The following GNAQ variants were observed in gnomAD, a reference collection of about 807,000 sequenced individuals.
GNAQ encodes guanine nucleotide-binding protein G(q) subunit alpha.
A neutral mutation model predicts 43.9 loss-of-function variants in GNAQ; 8 were observed. The observed-to-expected ratio is 0.18, with a 90% CI of 0.11 to 0.33. The LOEUF (loss-of-function observed/expected upper bound fraction) is 0.33. Among genes scored for constraint, GNAQ ranks in the 10% least tolerant of loss-of-function variants. The pLI is 1.00. For missense variants in GNAQ, 158 were observed against 450.8 expected, an observed-to-expected ratio of 0.35 and a Z score of 5.88; for synonymous variants, 155 against 170.7, an observed-to-expected ratio of 0.91 and a Z score of 0.71.
intron 1 of GNAQ, among the ~76,000 whole-genome samples, chr9:78,013,534 C>A (rs956599190): frequency 6.7e-6 from 1 of 149,330 alleles, no homozygotes; most frequent in Non-Finnish European, 1.5e-5. Context: ...TCATTTCTAA[C>A]AAGACTTTTA....
At chr9:78,011,040 C>T (rs927959189) in intron 1 of GNAQ, among the ~76,000 whole-genome samples, 4 of 152,044 alleles carry the variant, frequency 2.6e-5, no homozygotes, top group African/African-American at 4.8e-5. Flanking sequence ...GGTCTAGAAA[C>T]GCAGAGAAAA....
chr9:77,727,506 T>G (rs1406989365), intron 6 of GNAQ, among the ~76,000 whole-genome samples: 1 of 152,116 alleles, frequency 6.6e-6, no homozygotes, highest in Admixed American at 6.6e-5. Flanking sequence ...AAGCAAATAA[T>G]GCAGAGCCAT....
At chr9:77,833,085 G>T (rs1181427366) in intron 2 of GNAQ, among the ~76,000 whole-genome samples, 1 of 152,098 alleles carries the variant, frequency 6.6e-6, no homozygotes, top group African/African-American at 2.4e-5. Context: ...TCCTGCCTCA[G>T]GCTCCCAAGT....
chr9:78,006,028 C>T (rs898186070), intron 1 of GNAQ, among the ~76,000 whole-genome samples: 4 of 152,228 alleles, frequency 2.6e-5, no homozygotes, highest in Non-Finnish European at 2.9e-5. Context: ...AGTTATTGCA[C>T]GCAGGCTTAC....
chr9:77,950,436 C>T (rs550993513), intron 1 of GNAQ, among the ~76,000 whole-genome samples: 65 of 152,346 alleles, frequency 4.3e-4, no homozygotes, highest in Non-Finnish European at 8.7e-4. Context: ...CAGCCGTTTG[C>T]TCCCACAAGC....
chr9:78,004,720 T>C (rs1823684590), intron 1 of GNAQ, among the ~76,000 whole-genome samples: 2 of 152,094 alleles, frequency 1.3e-5, no homozygotes, highest in South Asian at 4.1e-4. Context: ...ACAGAAACTT[T>C]GACCACTAGA....
At chr9:77,767,756 T>A (rs1022026573) in intron 5 of GNAQ, among the ~76,000 whole-genome samples, 10 of 152,192 alleles carry the variant, frequency 6.6e-5, no homozygotes, top group Non-Finnish European at 1.3e-4. Flanking sequence ...GGATTTTATA[T>A]GCACATCCTC....
At chr9:77,983,239 G>T (rs758193708) in intron 1 of GNAQ, among the ~76,000 whole-genome samples, 1 of 152,204 alleles carries the variant, frequency 6.6e-6, no homozygotes, top group African/African-American at 2.4e-5. Context: ...TACATAGTAT[G>T]TATCTGTGGA....
intron 1 of GNAQ, among the ~76,000 whole-genome samples, chr9:77,999,912 G>A (rs1823622713): frequency 6.6e-6 from 1 of 152,240 alleles, no homozygotes; most frequent in East Asian, 1.9e-4. Flanking sequence ...CTCTAAGTTA[G>A]GGTAACATTT....
intron 2 of GNAQ, among the ~76,000 whole-genome samples, chr9:77,854,139 T>C (rs191100856): frequency 9.2e-5 from 14 of 152,318 alleles, no homozygotes; most frequent in Non-Finnish European, 1.3e-4. Context: ...CATAAGTACA[T>C]AATATAGAGG....
At position 77,719,718 on chromosome 9, in the gene GNAQ, C is replaced by G. The variant is rs1825280153; in HGVS notation, c.*1605G>C. On this transcript the variant is annotated 3_prime_UTR_variant, in exon 7 of 7. Transcript: ENST00000286548. ...TTCAACTCAAGCTGCTTGACAGAAG[C>G]TTGTCAATACATGTGCTGTATTTTT... 1 of 232,712 alleles carries G rather than the reference C, an allele frequency of 4.3e-6. No individual in the cohort carries two copies. 14.4% of individuals were successfully genotyped at this position (232,712 alleles called of 1,614,324 possible). A position where few individuals can be genotyped will look rare whatever the true frequency, so the allele number is the denominator to read the frequency against.
In GNAQ at chr9:78,002,908, T is replaced by C. The variant is rs143661382; in HGVS notation, c.136+28192A>G. ...TGTCACATTTCCTTTCAGTCTACCA[T>C]AGCATCTAGTACAGAACGAGATACA... On this transcript the variant is annotated intron_variant, in intron 1 of 6. Transcript: ENST00000286548. Among the ~76,000 whole-genome samples, 449 of 152,268 alleles carry C rather than the reference T, an allele frequency of 2.9e-3. 5 individuals carry two copies. Among genetic ancestry groups the C allele is most frequent in the African/African-American group, 0.01 (435 of 41,560 alleles).
chr9:77,958,838 C>A (rs1278602726), intron 1 of GNAQ, among the ~76,000 whole-genome samples: 1 of 152,124 alleles, frequency 6.6e-6, no homozygotes, highest in African/African-American at 2.4e-5. Flanking sequence ...AATACATTTG[C>A]AGACTGATTT....
chr9:77,718,615 T>C lies in GNAQ; in HGVS notation c.*2708A>G, dbSNP rs1825259909. 8.6e-6 allele frequency: 2 copies of C among 232,802 alleles called. No homozygotes were observed. The highest frequency in any genetic ancestry group is 1.7e-5 in the Non-Finnish European group (2 of 117,784). 14.4% of individuals were successfully genotyped at this position (232,802 alleles called of 1,614,324 possible). A position where few individuals can be genotyped will look rare whatever the true frequency, so the allele number is the denominator to read the frequency against. ...GAGATCAGGTTTAATTGACTACATT[T>C]ACTATAGCTCTATTAAATAGAATAT... On this transcript the variant is annotated 3_prime_UTR_variant, in exon 7 of 7. Coordinates refer to ENST00000286548, the MANE Select transcript of GNAQ (RefSeq NM_002072.5).
intron 5 of GNAQ, among the ~76,000 whole-genome samples, chr9:77,778,840 T>C (rs1215025787): frequency 1.3e-5 from 2 of 151,962 alleles, no homozygotes; most frequent in Non-Finnish European, 2.9e-5. Context: ...TATTAGGCCT[T>C]ACATAATGAT....
intron 5 of GNAQ, among the ~76,000 whole-genome samples, chr9:77,738,422 A>G (rs1467194433): frequency 3.9e-5 from 6 of 152,132 alleles, no homozygotes; most frequent in Admixed American, 3.3e-4. Flanking sequence ...AAATAATTCA[A>G]TTTTTTTCTA....
intron 2 of GNAQ, among the ~76,000 whole-genome samples, chr9:77,878,509 A>G (rs1828161743): frequency 6.6e-6 from 1 of 152,120 alleles, no homozygotes. Flanking sequence ...ACTGCATTGT[A>G]TATAAAATGC....
intron 2 of GNAQ, among the ~76,000 whole-genome samples, chr9:77,872,695 G>A (rs550779005): frequency 6.6e-6 from 1 of 152,246 alleles, no homozygotes; most frequent in Admixed American, 6.5e-5. Context: ...GAAGCCCAGA[G>A]AAACAAAGAC....
At chr9:77,966,058 G>GGAA (rs1564165051) in intron 1 of GNAQ, among the ~76,000 whole-genome samples, 1 of 152,026 alleles carries the variant, frequency 6.6e-6, no homozygotes, top group African/African-American at 2.4e-5. Flanking sequence ...ATGACTGAGT[G>GGAA]GAAAAAGGCA....
Sources: allele counts gnomAD v4.1 joint callset (sites outside exome capture counted in the v4.1 genomes callset), GRCh38; gene constraint gnomAD v4.1.1; transcripts MANE v1.5; gene names NCBI Gene and HGNC (gene_info 2026-07-23, HGNC 2026-07-21).